The following MCTP1 variants were observed in gnomAD, a reference collection of about 807,000 sequenced individuals.
The protein encoded by MCTP1 is multiple C2 and transmembrane domain containing 1, also known as multiple C2 and transmembrane domain-containing protein 1.
In MCTP1, 69 loss-of-function variants were observed where a neutral mutation model predicts 120.6. The observed-to-expected ratio is 0.57, with a 90% CI of 0.47 to 0.70. MCTP1 has a LOEUF of 0.70. Among genes scored for constraint, MCTP1 ranks in the 30% least tolerant of loss-of-function variants. MCTP1 has a pLI of 0.00. For synonymous variants in MCTP1, 529 were observed against 493.1 expected (o/e 1.07, Z -0.96); for missense variants, 1,203 against 1,248.8 (o/e 0.96, Z 0.55).
intron 19 of MCTP1, among the ~76,000 whole-genome samples, chr5:94,773,102 A>C (rs770192531): frequency 9.2e-5 from 14 of 152,212 alleles, no homozygotes; most frequent in Non-Finnish European, 1.9e-4. Flanking sequence ...AGGTTCACAA[A>C]GGAGAAATGG....
chr5:94,800,356 G>C (rs918251377), intron 17 of MCTP1, among the ~76,000 whole-genome samples: 1 of 152,148 alleles, frequency 6.6e-6, no homozygotes, highest in Non-Finnish European at 1.5e-5. Context: ...GTTTCAGCCA[G>C]CTGGTTGGAA....
At chr5:95,275,314 C>T (rs1053256775) in intron 1 of MCTP1, among the ~76,000 whole-genome samples, 1 of 152,208 alleles carries the variant, frequency 6.6e-6, no homozygotes, top group African/African-American at 2.4e-5. Context: ...GATTTGGCTT[C>T]TATTAAAGAA....
intron 1 of MCTP1, among the ~76,000 whole-genome samples, chr5:95,044,786 C>T (rs750778133): frequency 1.5e-4 from 23 of 151,948 alleles, no homozygotes; most frequent in Admixed American, 2.6e-4. Flanking sequence ...CGTGTCTTCA[C>T]TCTGTCCTCT....
At chr5:95,204,495 T>C (rs1248284288) in intron 1 of MCTP1, among the ~76,000 whole-genome samples, 1 of 152,206 alleles carries the variant, frequency 6.6e-6, no homozygotes, top group Non-Finnish European at 1.5e-5. Flanking sequence ...TCTTCACATC[T>C]ATTCAACACT....
At chr5:94,839,384 T>C (rs540327556) in intron 17 of MCTP1, among the ~76,000 whole-genome samples, 1 of 152,238 alleles carries the variant, frequency 6.6e-6, no homozygotes, top group South Asian at 2.1e-4. Flanking sequence ...TAAGCCAATA[T>C]GTAGTATTTT....
chr5:94,763,774 G>A (rs1022844249), intron 19 of MCTP1, among the ~76,000 whole-genome samples: 8 of 152,186 alleles, frequency 5.3e-5, no homozygotes, highest in African/African-American at 1.9e-4. Flanking sequence ...CTGAGGTTGA[G>A]CTTTAAGTAA....
At chr5:94,804,158 AG>A (rs1447026904) in intron 17 of MCTP1, among the ~76,000 whole-genome samples, 2 of 152,346 alleles carry the variant, frequency 1.3e-5, no homozygotes, top group South Asian at 2.1e-4. Context: ...ATACAGCAAA[AG>A]CTCACTAATA....
chr5:94,896,328 T>C (rs1173635323), intron 10 of MCTP1, among the ~76,000 whole-genome samples: 4 of 152,204 alleles, frequency 2.6e-5, no homozygotes, highest in Admixed American at 1.3e-4. Context: ...GGGAGTATAA[T>C]ACTAGAGAAT....
intron 1 of MCTP1, among the ~76,000 whole-genome samples, chr5:95,278,729 G>A (rs112311138): frequency 0.013 from 1,904 of 152,208 alleles, 41 homozygotes; most frequent in African/African-American, 0.043. Flanking sequence ...TTGGGAGGCC[G>A]AGGTGAGCGG....
rs747837958 is a variant in MCTP1, at chr5:95,284,231, G to A, written c.345C>T (p.Ala115=). The A allele has an allele frequency of 6.3e-7, 1 of 1,582,572 alleles. No individual in the cohort carries two copies. Among genetic ancestry groups the A allele is most frequent in the Non-Finnish European group, 8.5e-7 (1 of 1,171,420 alleles). ...EPLEPGGAGR[A]EQGSTLRRRI... ...GGCGGCGTAGCGTGGACCCCTGCTC[G>A]GCTCTGCCGGCGCCGCCGGGCTCCA... is the stretch of plus-strand genomic sequence containing the variant. Residue 115 remains alanine (A), a synonymous_variant, in exon 1 of 23, where the codon GCC becomes GCT. Transcript: ENST00000515393. The surrounding 1 kb of genome is among the most constrained non-coding windows in gnomAD (Gnocchi z 5.2).
At chr5:95,142,932 G>C (rs1414327639) in intron 1 of MCTP1, among the ~76,000 whole-genome samples, 1 of 152,078 alleles carries the variant, frequency 6.6e-6, no homozygotes, top group African/African-American at 2.4e-5. Context: ...TAAATATGAT[G>C]GACATGCAAG....
chr5:94,758,829 T>C (rs571876380), intron 19 of MCTP1, among the ~76,000 whole-genome samples: 5 of 152,270 alleles, frequency 3.3e-5, no homozygotes, highest in East Asian at 3.9e-4. Flanking sequence ...ATAATTATTA[T>C]ATAGAAAAAC....
At chr5:94,887,594 A>C (rs1801623794) in intron 12 of MCTP1, among the ~76,000 whole-genome samples, 1 of 152,294 alleles carries the variant, frequency 6.6e-6, no homozygotes, top group African/African-American at 2.4e-5. Context: ...TACATTTTAC[A>C]TTAATTGTTT....
chr5:95,171,368 T>C lies in MCTP1; in HGVS notation c.720+112488A>G, dbSNP rs1042923241. On this transcript the variant is annotated intron_variant, in intron 1 of 22. Coordinates refer to ENST00000515393, the MANE Select transcript of MCTP1 (RefSeq NM_024717.7). Reference sequence around the variant, plus strand: ...ATTTTTTCCTTCATTTCAACTTTGGTGAATCTGACAATTATGTGTCTTGGA... The same window carrying C: ...ATTTTTTCCTTCATTTCAACTTTGGCGAATCTGACAATTATGTGTCTTGGA... Among the ~76,000 whole-genome samples, 53 of 152,198 alleles carry C rather than the reference T, an allele frequency of 3.5e-4. 1 individual carries two copies. The highest frequency in any genetic ancestry group is 8.8e-5 in the Non-Finnish European group (6 of 68,034).
At chr5:94,959,800 C>T (rs961428283) in intron 2 of MCTP1, among the ~76,000 whole-genome samples, 2 of 152,294 alleles carry the variant, frequency 1.3e-5, no homozygotes, top group Non-Finnish European at 2.9e-5. Flanking sequence ...ACATTCCATG[C>T]TCATGAATAG....
Position 94,704,080 on chromosome 5 carries a change from T to C in MCTP1, c.*3416A>G, listed in dbSNP as rs1754020591. On this transcript the variant is annotated 3_prime_UTR_variant, in exon 23 of 23. Coordinates refer to ENST00000515393, the MANE Select transcript of MCTP1 (RefSeq NM_024717.7). ...ATTATAATTGAAAGGAATGACACTATTGTAAGAAAGAATTTACCACATTAT... is the reference window on the plus strand; with the variant it reads ...ATTATAATTGAAAGGAATGACACTACTGTAAGAAAGAATTTACCACATTAT... The C allele has an allele frequency of 6.6e-6, 1 of 151,588 alleles. No homozygotes were observed. Among genetic ancestry groups the C allele is most frequent in the Admixed American group, 6.6e-5 (1 of 15,164 alleles). 9.4% of individuals were successfully genotyped at this position (151,588 alleles called of 1,614,324 possible).
chr5:95,177,505 T>TA (rs1748135960), intron 1 of MCTP1, among the ~76,000 whole-genome samples: 1 of 152,156 alleles, frequency 6.6e-6, no homozygotes. Context: ...TCTGGAGCAT[T>TA]AAAAAAACAT....
intron 17 of MCTP1, among the ~76,000 whole-genome samples, chr5:94,865,974 T>C (rs1796722755): frequency 6.6e-6 from 1 of 151,974 alleles, no homozygotes; most frequent in Non-Finnish European, 1.5e-5. Flanking sequence ...TGTGGAAGGA[T>C]ATTTTTATAT....
intron 2 of MCTP1, among the ~76,000 whole-genome samples, chr5:94,973,405 T>C (rs1020977983): frequency 2.0e-5 from 3 of 152,220 alleles, no homozygotes; most frequent in African/African-American, 7.2e-5. Flanking sequence ...TGGATCTCAA[T>C]CAATTTGGCA....
Sources: allele counts gnomAD v4.1 joint callset (sites outside exome capture counted in the v4.1 genomes callset), GRCh38; gene constraint gnomAD v4.1.1; non-coding constraint Gnocchi (gnomAD v3.1); transcripts MANE v1.5; gene names NCBI Gene and HGNC (gene_info 2026-07-23, HGNC 2026-07-21).